PPFIBP2: variants seen among roughly 807,000 people sequenced by gnomAD.
PPFIBP2 encodes liprin-beta-2.
In PPFIBP2, 118 loss-of-function variants were observed where a neutral mutation model predicts 118.3. The ratio of observed to expected loss-of-function variants is 1.00; its 90% CI spans 0.86 to 1.16. The LOEUF (loss-of-function observed/expected upper bound fraction) is 1.16. Among genes scored for constraint, PPFIBP2 ranks in the 50% most tolerant of loss-of-function variants. The pLI, the probability that PPFIBP2 is intolerant of heterozygous loss-of-function variation, is 0.00. For missense variants in PPFIBP2, 1,195 were observed against 1,073.1 expected, an observed-to-expected ratio of 1.11 and a Z score of -1.59; for synonymous variants, 414 against 397.4, an observed-to-expected ratio of 1.04 and a Z score of -0.50.
intron 1 of PPFIBP2, among the ~76,000 whole-genome samples, chr11:7,543,212 G>T (rs1851966897): frequency 6.6e-6 from 1 of 152,206 alleles, no homozygotes; most frequent in South Asian, 2.1e-4. Flanking sequence ...CTTTAAAGAG[G>T]CTTTCTCTTA....
intron 13 of PPFIBP2, 32 bp from the exon 14 acceptor site, chr11:7,635,520 C>T: frequency 1.9e-6 from 3 of 1,591,200 alleles, no homozygotes; most frequent in South Asian, 2.2e-5. Context: ...TCTTTTTCTC[C>T]ACATAAACGA....
At chr11:7,594,821 G>T (rs11041471) in intron 4 of PPFIBP2, among the ~76,000 whole-genome samples, 2 of 150,164 alleles carry the variant, frequency 1.3e-5, no homozygotes, top group South Asian at 4.3e-4. Context: ...GAAGGCTGAC[G>T]TAGGAGAATT....
chr11:7,555,190 C>A (rs779862840), intron 2 of PPFIBP2, among the ~76,000 whole-genome samples: 1 of 152,120 alleles, frequency 6.6e-6, no homozygotes, highest in African/African-American at 2.4e-5. Flanking sequence ...GACCAGAGAG[C>A]CACGTGGTCA....
chr11:7,566,878 G>A (rs974919985), intron 3 of PPFIBP2, among the ~76,000 whole-genome samples: 1 of 152,088 alleles, frequency 6.6e-6, no homozygotes, highest in African/African-American at 2.4e-5. Context: ...ATTTTTCCCT[G>A]TACACCCAGA....
intron 2 of PPFIBP2, among the ~76,000 whole-genome samples, chr11:7,555,581 A>T (rs1053876768): frequency 6.6e-6 from 1 of 152,156 alleles, no homozygotes; most frequent in African/African-American, 2.4e-5. Context: ...GCTGTTTCCC[A>T]TTGCAGGTTG....
At chr11:7,666,001 GCA>G in the PPFIBP2 span, 1 of 1,219,654 alleles carries the variant, frequency 8.2e-7, no homozygotes. Context: ...GGTGCTCTGT[GCA>G]CAGTGGTTGC....
intron 6 of PPFIBP2, among the ~76,000 whole-genome samples, chr11:7,618,023 A>G (rs1458606908): frequency 6.6e-6 from 1 of 152,270 alleles, no homozygotes; most frequent in South Asian, 2.1e-4. Flanking sequence ...AGGACTTGGA[A>G]GCCCCCCAAG....
downstream of PPFIBP2, among the ~76,000 whole-genome samples, chr11:7,661,341 T>C (rs1854886286): frequency 6.6e-6 from 1 of 151,142 alleles, no homozygotes; most frequent in South Asian, 2.1e-4. Context: ...GATTCTGGTA[T>C]GTTGTGTCTC....
intron 1 of PPFIBP2, among the ~76,000 whole-genome samples, chr11:7,525,153 C>G (rs1850112357): frequency 6.6e-6 from 1 of 152,160 alleles, no homozygotes; most frequent in East Asian, 1.9e-4. Flanking sequence ...GAGGACTTGG[C>G]CTCCCTAACT....
chr11:7,617,790 G>T (rs183761634), intron 6 of PPFIBP2, among the ~76,000 whole-genome samples: 2 of 152,242 alleles, frequency 1.3e-5, no homozygotes, highest in Admixed American at 1.3e-4. Context: ...CATATGCTGT[G>T]AATAATTAAG....
In PPFIBP2 at chr11:7,616,912, C is replaced by G. The variant is rs1848719454; in HGVS notation, c.619-4023C>G. Among the ~76,000 whole-genome samples the G allele has an allele frequency of 6.6e-6, 1 of 152,030 alleles. No homozygotes were observed. Among genetic ancestry groups the G allele is most frequent in the South Asian group, 2.1e-4 (1 of 4,824 alleles). On this transcript the variant is annotated intron_variant, in intron 6 of 23. Transcript: ENST00000299492. This position sits in a 1 kb window ranked among gnomAD's most constrained non-coding sequence, Gnocchi z 5.2. ...TTTGTTCGAACTGCAAGACAGGCAT[C>G]TGGATGGGGCAGGCCTGAGGAAAAA...
At chr11:7,547,600 G>T (rs1852465204) in intron 1 of PPFIBP2, among the ~76,000 whole-genome samples, 1 of 152,018 alleles carries the variant, frequency 6.6e-6, no homozygotes, top group African/African-American at 2.4e-5. Flanking sequence ...CTCCATTCAG[G>T]CCCCAGGATT....
chr11:7,665,146 T>C, the PPFIBP2 span: 1 of 424,576 alleles, frequency 2.4e-6, no homozygotes, highest in Non-Finnish European at 4.2e-6. Context: ...CGGAGAAAGA[T>C]ACTGAAATGG....
the PPFIBP2 span, among the ~76,000 whole-genome samples, chr11:7,664,117 C>A: frequency 6.6e-6 from 1 of 152,234 alleles, no homozygotes; most frequent in Non-Finnish European, 1.5e-5. Flanking sequence ...CTGCGTCGCT[C>A]ACGCTGGGAG....
chr11:7,574,966 C>G (rs1079025), intron 3 of PPFIBP2, among the ~76,000 whole-genome samples: 3,661 of 152,206 alleles, frequency 0.024, 49 homozygotes, highest in Middle Eastern at 0.041. Flanking sequence ...CTGGATTCTT[C>G]CCTCCCTTCC....
In PPFIBP2 at chr11:7,649,966, G is replaced by T. The variant is rs185172492; in HGVS notation, c.2121+312G>T. 7.4e-4 allele frequency among the ~76,000 whole-genome samples: 113 copies of T among 152,138 alleles called. 3 individuals are homozygous for T. In the East Asian group the frequency reaches 0.015, roughly 21 times the overall value. On this transcript the variant is annotated intron_variant, in intron 21 of 23. Coordinates refer to ENST00000299492, the MANE Select transcript of PPFIBP2 (RefSeq NM_003621.5). ...GAGGGAAAGACAAAATGGAAAGATGGGTGTCACAGTAGAAGAGAAGAGAAG... is the reference window on the plus strand; with the variant it reads ...GAGGGAAAGACAAAATGGAAAGATGTGTGTCACAGTAGAAGAGAAGAGAAG...
downstream of PPFIBP2, among the ~76,000 whole-genome samples, chr11:7,660,983 C>T (rs551905236): frequency 2.0e-3 from 311 of 151,808 alleles, 2 homozygotes; most frequent in African/African-American, 7.1e-3. Context: ...TCTGTGGGAT[C>T]GGTGGTGATA....
intron 22 of PPFIBP2, chr11:7,651,274 C>T (rs1054694771): frequency 4.6e-5 from 15 of 324,686 alleles, no homozygotes; most frequent in African/African-American, 1.7e-4. Flanking sequence ...ACGGGGAAGC[C>T]GTAAAAATGC....
intron 3 of PPFIBP2, among the ~76,000 whole-genome samples, chr11:7,592,120 T>C (rs1043861039): frequency 1.1e-4 from 16 of 152,210 alleles, no homozygotes; most frequent in Non-Finnish European, 2.4e-4. Context: ...GATTGTATAA[T>C]ACTCAGTTCC....
Sources: gnomAD v4.1 joint callset for allele counts (sites outside exome capture counted in the v4.1 genomes callset) on GRCh38, gnomAD v4.1.1 for gene constraint, Gnocchi (gnomAD v3.1) non-coding constraint, MANE v1.5 for transcripts, NCBI Gene and HGNC (gene_info 2026-07-23, HGNC 2026-07-21) for gene names.